Variants in GTF2A1L observed in about 807,000 individuals in gnomAD.
GTF2A1L encodes the protein general transcription factor IIA subunit 1 like.
GTF2A1L carries 48 observed loss-of-function variants against 49.7 expected under a neutral mutation model. The observed-to-expected ratio is 0.97, with a 90% CI of 0.77 to 1.23. The LOEUF is 1.23. Among genes scored for constraint, GTF2A1L ranks in the 50% most tolerant of loss-of-function variants. The pLI, the probability that GTF2A1L is intolerant of heterozygous loss-of-function variation, is 0.00. For synonymous variants in GTF2A1L, 246 were observed against 193.5 expected, an observed-to-expected ratio of 1.27 and a Z score of -2.25; for missense variants, 736 against 564.8, an observed-to-expected ratio of 1.30 and a Z score of -3.07.
rs369877036 is a variant in GTF2A1L, at chr2:48,639,636, A to G, written c.248-2766A>G. On this transcript the variant is annotated intron_variant, in intron 3 of 8. Coordinates refer to ENST00000403751, the MANE Select transcript of GTF2A1L (RefSeq NM_006872.5). ...AGGCAATACCATCTTGGACATAGGA[A>G]CAGGCAAAGATTTCATGACAAAGAC... Among the ~76,000 whole-genome samples, 210 of 152,302 alleles carry G rather than the reference A, an allele frequency of 1.4e-3. 6 individuals carry two copies. In the South Asian group the frequency reaches 0.04, roughly 29 times the overall value.
chr2:48,652,332 C>G (rs1189781516), intron 6 of GTF2A1L, among the ~76,000 whole-genome samples: 1 of 151,990 alleles, frequency 6.6e-6, no homozygotes, highest in African/African-American at 2.4e-5. Context: ...AATGAAAAGC[C>G]AGGCCGGGCA....
At chr2:48,620,610 T>A (rs1675930719) in intron 1 of GTF2A1L, among the ~76,000 whole-genome samples, 1 of 151,970 alleles carries the variant, frequency 6.6e-6, no homozygotes, top group Non-Finnish European at 1.5e-5. Flanking sequence ...AAACCCTGTC[T>A]CTCTAAAAAT....
intron 6 of GTF2A1L, among the ~76,000 whole-genome samples, chr2:48,648,073 T>C (rs939245324): frequency 3.0e-4 from 46 of 152,176 alleles, no homozygotes; most frequent in East Asian, 5.8e-4. Context: ...TAGGGCATAG[T>C]GAAAGGCCAG....
At chr2:48,643,739 C>T (rs969852370) in intron 4 of GTF2A1L, among the ~76,000 whole-genome samples, 1 of 142,780 alleles carries the variant, frequency 7.0e-6, no homozygotes, top group Non-Finnish European at 1.5e-5. Flanking sequence ...TACTCTGTCA[C>T]CCAAGTCTGG....
At chr2:48,659,160 C>T (rs965576810) in intron 6 of GTF2A1L, among the ~76,000 whole-genome samples, 1 of 152,040 alleles carries the variant, frequency 6.6e-6, no homozygotes, top group African/African-American at 2.4e-5. Context: ...TAACTATACA[C>T]CTTGATAATG....
intron 3 of GTF2A1L, among the ~76,000 whole-genome samples, chr2:48,631,028 T>G (rs1279845415): frequency 1.3e-5 from 2 of 152,186 alleles, no homozygotes; most frequent in Non-Finnish European, 2.9e-5. Flanking sequence ...TGCTAGTATT[T>G]TGTTAAGGAT....
chr2:48,664,432 G>A (rs1309066249), intron 6 of GTF2A1L, among the ~76,000 whole-genome samples: 2 of 151,376 alleles, frequency 1.3e-5, no homozygotes. Flanking sequence ...ATTTTTGAAT[G>A]TTCAGCTTTC....
intron 3 of GTF2A1L, among the ~76,000 whole-genome samples, chr2:48,637,532 C>G (rs898192439): frequency 4.6e-5 from 7 of 152,006 alleles, no homozygotes; most frequent in African/African-American, 1.4e-4. Flanking sequence ...AGAGAGATCT[C>G]AAATTAAGAA....
chr2:48,651,067 G>A (rs955212160), intron 6 of GTF2A1L, among the ~76,000 whole-genome samples: 2 of 152,086 alleles, frequency 1.3e-5, no homozygotes, highest in African/African-American at 4.8e-5. Flanking sequence ...ACTGGAAGCT[G>A]GATTTGGCGA....
intron 3 of GTF2A1L, among the ~76,000 whole-genome samples, chr2:48,623,920 A>G (rs1191141331): frequency 1.3e-5 from 2 of 152,204 alleles, no homozygotes; most frequent in African/African-American, 4.8e-5. Flanking sequence ...GAAGGAGAGA[A>G]GGGGGCAAGG....
At position 48,626,699 on chromosome 2, in the gene GTF2A1L, A is replaced by G. The variant is rs542658635; in HGVS notation, c.247+5409A>G. Among the ~76,000 whole-genome samples, 70 of 143,608 alleles carry G rather than the reference A, an allele frequency of 4.9e-4. 1 individual carries two copies. Among genetic ancestry groups the G allele is most frequent in the African/African-American group, 1.7e-3 (68 of 40,484 alleles). 94.2% of individuals were successfully genotyped at this position (143,608 alleles called of 152,430 possible). On this transcript the variant is annotated intron_variant, in intron 3 of 8. Transcript: ENST00000403751. The stretch of plus-strand genomic sequence containing the variant: ...GCCATTCTCCCACCTCGGACTCCCA[A>G]AGTAGCTGGGACTACAGGCATGTGC...
In GTF2A1L at chr2:48,669,902, G is replaced by A. The variant is rs755709487; in HGVS notation, c.1159G>A (p.Glu387Lys). ...GGGAGATCTGAAGGTACCTGAAGAA[G>A]AAGCTGACAGTATTTCAAATGAGGA... is the stretch of plus-strand genomic sequence containing the variant. ...DGGDLKVPEE[E>K]ADSISNEDSA... The change falls in exon 7 of 9, where the codon GAA (glutamate) becomes AAA (lysine). Residue 387 changes from glutamate (E) to lysine (K), a missense_variant. Coordinates refer to ENST00000403751, the MANE Select transcript of GTF2A1L (RefSeq NM_006872.5). 2.5e-6 allele frequency: 4 copies of A among 1,614,066 alleles called. No homozygotes were observed. The South Asian group carries it at 4.4e-5, about 18-fold the overall frequency.
At chr2:48,655,141 T>C (rs1678100447) in intron 6 of GTF2A1L, among the ~76,000 whole-genome samples, 1 of 152,074 alleles carries the variant, frequency 6.6e-6, no homozygotes, top group Non-Finnish European at 1.5e-5. Context: ...AAGTTTTTTT[T>C]TTAATTTAGG....
Position 48,679,531 on chromosome 2 carries a change from G to C in GTF2A1L, c.*89G>C. 1 of 1,523,670 alleles carries C rather than the reference G, an allele frequency of 6.6e-7. No individual in the cohort carries two copies. The highest frequency in any genetic ancestry group is 8.7e-7 in the Non-Finnish European group (1 of 1,142,886). 94.4% of individuals were successfully genotyped at this position (1,523,670 alleles called of 1,614,324 possible). A position where few individuals can be genotyped will look rare whatever the true frequency, so the allele number is the denominator to read the frequency against. On this transcript the variant is annotated 3_prime_UTR_variant, in exon 9 of 9. Transcript: ENST00000403751. ...TCATTTTTATTTTGAATATAGTCCA[G>C]CACAGAGCTGTTCAAATTTTTAGTT... is the stretch of plus-strand genomic sequence containing the variant.
chr2:48,651,950 TGG>T (rs1346281048), intron 6 of GTF2A1L, among the ~76,000 whole-genome samples: 1 of 152,224 alleles, frequency 6.6e-6, no homozygotes, highest in Non-Finnish European at 1.5e-5. Context: ...GTATCAGTTA[TGG>T]ATGTTGCTGT....
chr2:48,661,556 T>C (rs935092157), intron 6 of GTF2A1L, among the ~76,000 whole-genome samples: 10 of 152,108 alleles, frequency 6.6e-5, no homozygotes, highest in African/African-American at 2.2e-4. Flanking sequence ...ACCTGGCCTG[T>C]TGCATATATC....
chr2:48,670,259 T>C (rs1679096040), intron 7 of GTF2A1L, among the ~76,000 whole-genome samples: 4 of 151,738 alleles, frequency 2.6e-5, no homozygotes. Context: ...CAGGGCATGG[T>C]GGCACATGCC....
At chr2:48,667,998 A>G (rs1678942338) in intron 6 of GTF2A1L, among the ~76,000 whole-genome samples, 2 of 152,112 alleles carry the variant, frequency 1.3e-5, no homozygotes, top group African/African-American at 4.8e-5. Flanking sequence ...GCAAATTCCC[A>G]AGACTTTCCA....
chr2:48,621,079 G>C, intron 2 of GTF2A1L, 88 bp from the exon 3 acceptor site: 1 of 1,519,774 alleles, frequency 6.6e-7, no homozygotes, highest in South Asian at 1.3e-5. Flanking sequence ...TCAGGATGAC[G>C]TTAGTTTTTA....
Sources: allele counts gnomAD v4.1 joint callset (sites outside exome capture counted in the v4.1 genomes callset), GRCh38; gene constraint gnomAD v4.1.1; transcripts MANE v1.5; gene names NCBI Gene and HGNC (gene_info 2026-07-23, HGNC 2026-07-21).